IQCN: variants seen among roughly 807,000 people sequenced by gnomAD.
IQCN encodes the protein IQ motif containing N.
In IQCN, 46 loss-of-function variants were observed where a neutral mutation model predicts 64.4. That is an observed-to-expected ratio of 0.71 (90% CI 0.56 to 0.91). IQCN has a LOEUF of 0.91. Among genes scored for constraint, IQCN ranks in the 40% least tolerant of loss-of-function variants. IQCN has a pLI of 0.00. For missense variants in IQCN, 1,753 were observed against 1,857.4 expected (o/e 0.94, Z 1.03); for synonymous variants, 733 against 775.6 (o/e 0.95, Z 0.91).
At position 18,264,732 on chromosome 19, in the gene IQCN, C is replaced by T. The variant is rs780075102; in HGVS notation, c.2808G>A (p.Ala936=). 2.5e-5 allele frequency: 38 copies of T among 1,550,994 alleles called. No individual in the cohort carries two copies. The highest frequency in any genetic ancestry group is 2.8e-5 in the Non-Finnish European group (32 of 1,146,962). ...KALPQSMLSM[A]LVKALSWSEL... ...CACTCCAGGACAGCGCCTTCACCAGCGCCATGCTCAGCATGCTCTGGGGCA... is the reference window on the plus strand; with the variant it reads ...CACTCCAGGACAGCGCCTTCACCAGTGCCATGCTCAGCATGCTCTGGGGCA... Residue 936 remains alanine, a synonymous_variant, in exon 3 of 4, where the codon GCG becomes GCA. Transcript: ENST00000392413. This position sits in a 1 kb window ranked among gnomAD's most constrained non-coding sequence, Gnocchi z 4.3.
rs751674323 is a variant in IQCN at position 18,264,480 on chromosome 19, C to T, written c.3060G>A (p.Ser1020=). 23 of 1,551,318 alleles carry T rather than the reference C, an allele frequency of 1.5e-5. No individual in the cohort carries two copies. The highest frequency in any genetic ancestry group is 3.9e-5 in the Admixed American group (2 of 50,974). The change falls in exon 3 of 4, where the codon TCG becomes TCA. Residue 1020 remains serine, a synonymous_variant. Transcript: ENST00000392413. The surrounding 1 kb of genome is among the most constrained non-coding windows in gnomAD (Gnocchi z 4.3). ...RTGTILPKAA[S]KSTGSGVTKT... ...TAGTCACCCCGCTTCCTGTTGATTT[C>T]GAGGCGGCCTTGGGGAGGATGGTTC...
Position 18,273,504 on chromosome 19 carries a change from G to A in IQCN, c.-110+899C>T, listed in dbSNP as rs190369673. On this transcript the variant is annotated intron_variant, in intron 1 of 3. Coordinates refer to ENST00000392413, the MANE Select transcript of IQCN (RefSeq NM_001145304.2). ...GGCATGCGCCACCACACCTAATTTCGTATTTTTAGTGGAAATGGGGTTTCT... is the reference window on the plus strand; with the variant it reads ...GGCATGCGCCACCACACCTAATTTCATATTTTTAGTGGAAATGGGGTTTCT... Among the ~76,000 whole-genome samples the A allele has an allele frequency of 2.4e-4, 37 of 152,112 alleles. 1 individual carries two copies. The highest frequency in any genetic ancestry group is 1.4e-3 in the Admixed American group (22 of 15,262).
At position 18,269,569 on chromosome 19, in the gene IQCN, G is replaced by T. The variant is rs1296227710; in HGVS notation, c.-91C>A. 1.5e-6 allele frequency: 2 copies of T among 1,299,140 alleles called. No individual in the cohort carries two copies. The highest frequency in any genetic ancestry group is 2.2e-6 in the Non-Finnish European group (2 of 897,746). The allele number at this position is 1,299,140 out of a possible 1,614,324, so 80.5% of individuals were successfully genotyped here. A position where few individuals can be genotyped will look rare whatever the true frequency, so the allele number is the denominator to read the frequency against. On this transcript the variant is annotated 5_prime_UTR_variant, in exon 2 of 4. Transcript: ENST00000392413. The stretch of plus-strand genomic sequence containing the variant: ...CTTCAGCCTTTCATCCATGCAATAT[G>T]CAGCAACACTGCCCTGGGCTGGCTC...
intron 3 of IQCN, chr19:18,259,179 G>T (rs1188302561): frequency 2.0e-5 from 3 of 152,344 alleles, no homozygotes; most frequent in Non-Finnish European, 4.4e-5. Context: ...CTAGCTGCCG[G>T]GGCTGAGGAG....
Position 18,266,472 on chromosome 19 carries a change from C to T in IQCN, c.1068G>A (p.Ala356=), listed in dbSNP as rs149705085. ...VSVTLPQTYP[A]STMTTTPPKT... ...TGGGTGGGGTGGTGGTCATCGTGGA[C>T]GCTGGATATGTCTGTGGCAGGGTCA... The change falls in exon 3 of 4, where the codon GCG becomes GCA. Residue 356 remains alanine (A), a synonymous_variant. Transcript: ENST00000392413. This position sits in a 1 kb window ranked among gnomAD's most constrained non-coding sequence, Gnocchi z 4.3. The T allele has an allele frequency of 6.7e-5, 107 of 1,585,696 alleles. No individual in the cohort carries two copies. Among genetic ancestry groups the T allele is most frequent in the Admixed American group, 1.8e-4 (10 of 55,782 alleles).
rs1969513969 is a variant in IQCN at position 18,264,821 on chromosome 19, C to T, written c.2719G>A (p.Val907Ile). Residue 907 changes from valine to isoleucine, a missense_variant, in exon 3 of 4, where the codon GTC (valine) becomes ATC (isoleucine). Val to Ile is a conservative substitution (Grantham distance 29). Coordinates refer to ENST00000392413, the MANE Select transcript of IQCN (RefSeq NM_001145304.2). This position sits in a 1 kb window ranked among gnomAD's most constrained non-coding sequence, Gnocchi z 4.3. ...LLAKALSQGE[V>I]WAALNQALSK... ...AGGGCCTGGTTCAGAGCTGCCCAGA[C>T]TTCTCCCTGGGAGAGGGCTTTGGCC... 3 of 1,563,380 alleles carry T rather than the reference C, an allele frequency of 1.9e-6. No individual in the cohort carries two copies. Among genetic ancestry groups the T allele is most frequent in the Non-Finnish European group, 1.7e-6 (2 of 1,153,744 alleles).
In IQCN at chr19:18,265,394, T is replaced by C. The variant is rs773068205; in HGVS notation, c.2146A>G (p.Met716Val). The C allele has an allele frequency of 1.2e-6, 2 of 1,614,140 alleles. No homozygotes were observed. The highest frequency in any genetic ancestry group is 2.2e-5 in the South Asian group (2 of 91,086). Residue 716 changes from methionine to valine, a missense_variant, in exon 3 of 4, where the codon ATG becomes GTG. Physicochemically the swap from Met to Val is conservative, Grantham distance 21. Transcript: ENST00000392413. This position sits in a 1 kb window ranked among gnomAD's most constrained non-coding sequence, Gnocchi z 4.7. ...LAHLDTCLSK[M>V]HSQTHLATGA... The stretch of plus-strand genomic sequence containing the variant: ...GTGGCCAGATGTGTCTGGGAATGCA[T>C]CTTGCTCAGACAGGTGTCCAGATGG...
intron 3 of IQCN, chr19:18,258,678 A>T (rs8108398): frequency 8.5e-5 from 29 of 339,774 alleles, no homozygotes; most frequent in Non-Finnish European, 1.6e-4. Context: ...GCCCACAGAC[A>T]CTGAAAGCAA....
chr19:18,261,229 C>T (rs1969421383), intron 3 of IQCN: 1 of 152,834 alleles, frequency 6.5e-6, no homozygotes, highest in Non-Finnish European at 1.5e-5. Flanking sequence ...CTTGGGGACA[C>T]CCCAGTGGCC....
At position 18,265,916 on chromosome 19, in the gene IQCN, T is replaced by C. The variant is rs1446240500; in HGVS notation, c.1624A>G (p.Asn542Asp). Residue 542 changes from asparagine (N) to aspartate (D), a missense_variant, in exon 3 of 4, where the codon AAC becomes GAC. Asn to Asp is a conservative substitution (Grantham distance 23). Transcript: ENST00000392413. The surrounding 1 kb of genome is among the most constrained non-coding windows in gnomAD (Gnocchi z 4.7). ...TTCTCATGGATGGAGCCTGAGGTGT[T>C]GGGAGTTCCGGCTGCTACCGCCACT... ...PQVAVAAGTP[N>D]TSGSIHENPP... 1 of 1,614,138 alleles carries C rather than the reference T, an allele frequency of 6.2e-7. No homozygotes were observed. The highest frequency in any genetic ancestry group is 1.1e-5 in the South Asian group (1 of 91,086).
chr19:18,268,174 C>CTGTGTGTGTGTGTGTGTG (rs71336668), intron 2 of IQCN, among the ~76,000 whole-genome samples: 27 of 134,396 alleles, frequency 2.0e-4, no homozygotes, highest in Admixed American at 5.2e-4. Context: ...CTGTTTGCCT[C>CTGTGTGTGTGTGTGTGTG]TGTGTGTGTG....
Position 18,271,216 on chromosome 19 carries a change from T to C in IQCN, c.-109-1629A>G, listed in dbSNP as rs941078638. On this transcript the variant is annotated intron_variant, in intron 1 of 3. Transcript: ENST00000392413. ...CAGGCGCAGTGGCTCACGCCTGTAA[T>C]CCCAGTGCTTTGGGAGGCCGAGGTG... 4.2e-5 allele frequency among the ~76,000 whole-genome samples: 6 copies of C among 142,458 alleles called. No individual in the cohort carries two copies. The Admixed American group carries it at 4.3e-4, about 10-fold the overall frequency. 93.5% of individuals were successfully genotyped at this position (142,458 alleles called of 152,430 possible).
At chr19:18,270,435 G>A (rs986789067) in intron 1 of IQCN, among the ~76,000 whole-genome samples, 5 of 151,798 alleles carry the variant, frequency 3.3e-5, no homozygotes, top group African/African-American at 9.7e-5. Context: ...CAAGGTGGGT[G>A]GGTCACTTGA....
At chr19:18,270,359 C>CAAA (rs199590561) in intron 1 of IQCN, among the ~76,000 whole-genome samples, 1,234 of 121,540 alleles carry the variant, frequency 0.01, 8 homozygotes, top group African/African-American at 0.012. Context: ...AAAACTGTCT[C>CAAA]AAAAAAAAAA....
At chr19:18,258,689 T>C in intron 3 of IQCN, 1 of 337,620 alleles carries the variant, frequency 3.0e-6, no homozygotes, top group Non-Finnish European at 5.9e-6. Context: ...CTGAAAGCAA[T>C]CTGAAAGCCT....
intron 2 of IQCN, among the ~76,000 whole-genome samples, chr19:18,268,174 C>CTGTGCGTGTG (rs1555700696): frequency 1.5e-5 from 2 of 134,400 alleles, no homozygotes; most frequent in African/African-American, 5.6e-5. Context: ...CTGTTTGCCT[C>CTGTGCGTGTG]TGTGTGTGTG....
intron 3 of IQCN, chr19:18,260,119 A>C (rs1351792512): frequency 6.6e-6 from 1 of 152,522 alleles, no homozygotes; most frequent in Non-Finnish European, 1.5e-5. Flanking sequence ...TCAGCATGAG[A>C]GAGATTTGGT....
In IQCN at chr19:18,265,647, A is replaced by G. The variant is rs2148103607; in HGVS notation, c.1893T>C (p.Ala631=). 6 of 1,613,898 alleles carry G rather than the reference A, an allele frequency of 3.7e-6. No individual in the cohort carries two copies. The highest frequency in any genetic ancestry group is 1.1e-5 in the South Asian group (1 of 91,072). The change falls in exon 3 of 4, where the codon GCT becomes GCC. Residue 631 remains alanine, a synonymous_variant. Transcript: ENST00000392413. The surrounding 1 kb of genome is among the most constrained non-coding windows in gnomAD (Gnocchi z 4.7). Reference sequence around the variant, plus strand: ...CCTCAGCAACTTTTGTCCAGGATGGAGCCCCAGCCATTTCCACTGCCACAC... The same window carrying G: ...CCTCAGCAACTTTTGTCCAGGATGGGGCCCCAGCCATTTCCACTGCCACAC... The part of the protein sequence containing the change: ...KTSVAVEMAG[A]PSWTKVAEEG...
intron 1 of IQCN, among the ~76,000 whole-genome samples, chr19:18,271,815 A>T (rs1395174682): frequency 6.6e-6 from 1 of 151,894 alleles, no homozygotes; most frequent in Non-Finnish European, 1.5e-5. Context: ...TTATTTATTT[A>T]TGATTTTTGA....
Sources: allele counts gnomAD v4.1 joint callset (sites outside exome capture counted in the v4.1 genomes callset), GRCh38; gene constraint gnomAD v4.1.1; non-coding constraint Gnocchi (gnomAD v3.1); transcripts MANE v1.5; gene names NCBI Gene and HGNC (gene_info 2026-07-23, HGNC 2026-07-21).